KSR2: variants seen among roughly 807,000 people sequenced by gnomAD.
KSR2 encodes kinase suppressor of ras 2.
In KSR2, 25 loss-of-function variants were observed where a neutral mutation model predicts 107.8. The ratio of observed to expected loss-of-function variants is 0.23; its 90% CI spans 0.17 to 0.32. The LOEUF is 0.32. Among genes scored for constraint, KSR2 ranks in the 10% least tolerant of loss-of-function variants. KSR2 has a pLI of 1.00. For missense variants in KSR2, 887 were observed against 1,268.9 expected (o/e 0.70, Z 4.57); for synonymous variants, 480 against 507.0 (o/e 0.95, Z 0.71).
chr12:117,929,749 G>C (rs1196806603), intron 1 of KSR2, among the ~76,000 whole-genome samples: 1 of 152,144 alleles, frequency 6.6e-6, no homozygotes. Flanking sequence ...AGTGAAAGAA[G>C]CCAGACAAAA....
chr12:117,501,764 C>T (rs189704341), intron 14 of KSR2, among the ~76,000 whole-genome samples: 1 of 152,318 alleles, frequency 6.6e-6, no homozygotes, highest in East Asian at 1.9e-4. Context: ...CTGAACTACC[C>T]GCTGCCACCC....
intron 3 of KSR2, among the ~76,000 whole-genome samples, chr12:117,796,448 G>A (rs917880588): frequency 3.3e-5 from 5 of 152,218 alleles, no homozygotes; most frequent in East Asian, 3.8e-4. Flanking sequence ...TTAGACAAAC[G>A]TGGAAGGGAT....
intron 5 of KSR2, among the ~76,000 whole-genome samples, chr12:117,590,631 C>A (rs950302908): frequency 6.6e-6 from 1 of 152,142 alleles, no homozygotes; most frequent in African/African-American, 2.4e-5. Flanking sequence ...AAGCTCTGTA[C>A]GGACTATGAC....
At position 117,531,664 on chromosome 12, in the gene KSR2, A is replaced by G; in HGVS notation, c.1729+2T>C. ...GCTGCTTCCAGCTCACATGAAACTC[A>G]CCTGGGAAGATGAACTGCTGCTTGT... is the stretch of plus-strand genomic sequence containing the variant. On this transcript the variant is annotated splice_donor_variant, in intron 11 of 19. Coordinates refer to ENST00000339824, the MANE Select transcript of KSR2 (RefSeq NM_173598.6). LOFTEE classifies it high-confidence loss of function. 1 of 1,603,640 alleles carries G rather than the reference A, an allele frequency of 6.2e-7. No individual in the cohort carries two copies. The highest frequency in any genetic ancestry group is 8.5e-7 in the Non-Finnish European group (1 of 1,175,992).
chr12:117,924,029 C>T (rs1895426295), intron 1 of KSR2, among the ~76,000 whole-genome samples: 1 of 151,392 alleles, frequency 6.6e-6, no homozygotes, highest in Admixed American at 6.6e-5. Flanking sequence ...CAGGCATGCG[C>T]CACCACGCCT....
intron 1 of KSR2, among the ~76,000 whole-genome samples, chr12:117,960,586 C>T (rs1399733266): frequency 1.3e-5 from 2 of 152,118 alleles, no homozygotes; most frequent in Non-Finnish European, 2.9e-5. Flanking sequence ...ACAGTTGAGC[C>T]ATCAGATAAA....
chr12:117,629,054 G>C (rs1655710891), intron 5 of KSR2, among the ~76,000 whole-genome samples: 1 of 152,234 alleles, frequency 6.6e-6, no homozygotes, highest in Non-Finnish European at 1.5e-5. Context: ...CTAAGACCTT[G>C]GGAAAAGCAC....
chr12:117,859,468 T>A (rs1490156404), intron 2 of KSR2, among the ~76,000 whole-genome samples: 2 of 150,260 alleles, frequency 1.3e-5, no homozygotes, highest in African/African-American at 2.5e-5. Context: ...TTTATTTTTT[T>A]TTTTTTGAGA....
intron 1 of KSR2, among the ~76,000 whole-genome samples, chr12:117,924,431 G>A (rs1368676179): frequency 1.3e-5 from 2 of 150,912 alleles, no homozygotes; most frequent in African/African-American, 4.9e-5. Flanking sequence ...ATTTAGCTGG[G>A]CATGGTGGCA....
At chr12:117,745,335 G>T (rs930128577) in intron 4 of KSR2, among the ~76,000 whole-genome samples, 2 of 152,112 alleles carry the variant, frequency 1.3e-5, no homozygotes, top group African/African-American at 4.8e-5. Context: ...AGCAAAAATA[G>T]ACAAATGGGA....
intron 1 of KSR2, among the ~76,000 whole-genome samples, chr12:117,930,050 ATTTT>A (rs574964074): frequency 6.7e-6 from 1 of 148,544 alleles, no homozygotes; most frequent in Admixed American, 6.8e-5. Flanking sequence ...TTTAAAAAAA[ATTTT>A]TTTTTTTTGA....
chr12:117,946,956 G>A (rs1336546240), intron 1 of KSR2, among the ~76,000 whole-genome samples: 1 of 151,848 alleles, frequency 6.6e-6, no homozygotes, highest in African/African-American at 2.4e-5. Flanking sequence ...CTTGAGGCTA[G>A]GAGTTCAAGA....
intron 5 of KSR2, among the ~76,000 whole-genome samples, chr12:117,593,106 A>G (rs541449108): frequency 3.9e-4 from 60 of 152,218 alleles, no homozygotes; most frequent in Middle Eastern, 6.8e-3. Flanking sequence ...AGACCTGGAG[A>G]AGCATGGGGC....
In KSR2 at chr12:117,523,854, C is replaced by T. The variant is rs866632840; in HGVS notation, c.2219+998G>A. Reference sequence around the variant, plus strand: ...AGGCATGGTGGCACATGCCTGTAATCTCAGCTACTTAGGTGGCTGAGGCAG... The same window carrying T: ...AGGCATGGTGGCACATGCCTGTAATTTCAGCTACTTAGGTGGCTGAGGCAG... On this transcript the variant is annotated intron_variant, in intron 14 of 19. Transcript: ENST00000339824. Among the ~76,000 whole-genome samples, 3 of 152,308 alleles carry T rather than the reference C, an allele frequency of 2.0e-5. 1 individual carries two copies. The South Asian group carries it at 6.2e-4, about 32-fold the overall frequency.
chr12:117,706,417 G>A (rs1471482053), intron 4 of KSR2, among the ~76,000 whole-genome samples: 1 of 152,124 alleles, frequency 6.6e-6, no homozygotes, highest in Non-Finnish European at 1.5e-5. Flanking sequence ...CCTCAAAGAG[G>A]TGAAATCACT....
At chr12:117,787,451 G>A (rs1311495034) in intron 3 of KSR2, among the ~76,000 whole-genome samples, 1 of 152,080 alleles carries the variant, frequency 6.6e-6, no homozygotes, top group Non-Finnish European at 1.5e-5. Flanking sequence ...TGGCCAAGAT[G>A]GTGAAACTCC....
intron 5 of KSR2, among the ~76,000 whole-genome samples, chr12:117,647,697 G>A (rs1174823793): frequency 6.6e-6 from 1 of 152,082 alleles, no homozygotes; most frequent in Non-Finnish European, 1.5e-5. Context: ...CAGTCCTAAG[G>A]ATGAGAAGGA....
intron 1 of KSR2, among the ~76,000 whole-genome samples, chr12:117,929,756 A>C (rs1177859963): frequency 6.6e-6 from 1 of 152,230 alleles, no homozygotes; most frequent in Non-Finnish European, 1.5e-5. Flanking sequence ...GAAGCCAGAC[A>C]AAAAAGGACA....
intron 3 of KSR2, among the ~76,000 whole-genome samples, chr12:117,821,797 A>T (rs772345547): frequency 1.4e-4 from 21 of 152,236 alleles, no homozygotes; most frequent in Admixed American, 1.3e-4. Context: ...GAACAAAAGA[A>T]CATGGTCTTT....
Sources: gnomAD v4.1 joint callset for allele counts (sites outside exome capture counted in the v4.1 genomes callset) on GRCh38, gnomAD v4.1.1 for gene constraint, MANE v1.5 for transcripts, NCBI Gene and HGNC (gene_info 2026-07-23, HGNC 2026-07-21) for gene names.